The following ZNRF2 variants were observed in gnomAD, a reference collection of about 807,000 sequenced individuals.
ZNRF2 encodes the protein zinc and ring finger 2.
A neutral mutation model predicts 20.4 loss-of-function variants in ZNRF2; 16 were observed. That is an observed-to-expected ratio of 0.79 (90% CI 0.53 to 1.19). The LOEUF is 1.19. ZNRF2 is among the 50% of genes most tolerant of loss of function. The pLI is 0.00. For missense variants in ZNRF2, 363 were observed against 332.4 expected (o/e 1.09, Z -0.72); for synonymous variants, 178 against 144.9 (o/e 1.23, Z -1.64).
intron 1 of ZNRF2, among the ~76,000 whole-genome samples, chr7:30,294,660 G>A (rs1198747448): frequency 1.3e-5 from 2 of 151,996 alleles, no homozygotes; most frequent in African/African-American, 4.8e-5. Flanking sequence ...GCAGGTGCCC[G>A]TAATCCCAGC....
At chr7:30,290,567 T>TA (rs1255509013) in intron 1 of ZNRF2, among the ~76,000 whole-genome samples, 1 of 152,258 alleles carries the variant, frequency 6.6e-6, no homozygotes, top group Non-Finnish European at 1.5e-5. Flanking sequence ...GAACTGGTGC[T>TA]ATGTTCTTAC....
chr7:30,319,746 A>T (rs1799437856), intron 1 of ZNRF2, among the ~76,000 whole-genome samples: 1 of 152,182 alleles, frequency 6.6e-6, no homozygotes, highest in Non-Finnish European at 1.5e-5. Context: ...GGTAGAAGAG[A>T]AGGATTAATG....
At chr7:30,290,885 A>G (rs1479546514) in intron 1 of ZNRF2, among the ~76,000 whole-genome samples, 6 of 152,388 alleles carry the variant, frequency 3.9e-5, no homozygotes, top group African/African-American at 1.2e-4. Context: ...GGGGCTGGAC[A>G]TTATAGATAC....
intron 1 of ZNRF2, among the ~76,000 whole-genome samples, chr7:30,287,012 A>T (rs1297622003): frequency 2.0e-5 from 3 of 152,184 alleles, no homozygotes; most frequent in Non-Finnish European, 4.4e-5. Flanking sequence ...GTCATGTTTC[A>T]TTTTTCCCAT....
At position 30,285,573 on chromosome 7, in the gene ZNRF2, G is replaced by C. The variant is rs1346273824; in HGVS notation, c.216G>C (p.Pro72=). Residue 72 remains proline, a synonymous_variant, in exon 1 of 5, where the codon CCG becomes CCC. Coordinates refer to ENST00000323037, the MANE Select transcript of ZNRF2 (RefSeq NM_147128.4). ...GCGCCGCGGCGGCCGCGGCGGCCCC[G>C]GCAGCCCCGGCGGCCCCGCGCAGCC... is the stretch of plus-strand genomic sequence containing the variant. ...SGGAAAAAAA[P]AAPAAPRSRS... 4 of 991,436 alleles carry C rather than the reference G, an allele frequency of 4.0e-6. No individual in the cohort carries two copies. The highest frequency in any genetic ancestry group is 1.8e-5 in the African/African-American group (1 of 55,920). 61.4% of individuals were successfully genotyped at this position (991,436 alleles called of 1,614,324 possible).
At chr7:30,358,437 C>A (rs1254005553) in intron 3 of ZNRF2, among the ~76,000 whole-genome samples, 1 of 152,110 alleles carries the variant, frequency 6.6e-6, no homozygotes, top group Non-Finnish European at 1.5e-5. Context: ...TGGACATCTA[C>A]CATATTGTGG....
chr7:30,285,668 C>G lies in ZNRF2; in HGVS notation c.311C>G (p.Pro104Arg), dbSNP rs1798769947. 1.4e-5 allele frequency: 20 copies of G among 1,435,140 alleles called. No homozygotes were observed. Among genetic ancestry groups the G allele is most frequent in the Non-Finnish European group, 1.7e-5 (19 of 1,100,412 alleles). The allele number at this position is 1,435,140 out of a possible 1,614,324, so 88.9% of individuals were successfully genotyped here. ...GCGGCGCAGTCCCCCTTCAGCATCC[C>G]GAACAGCAGCAGCGGCCCGTACGGC... The part of the protein sequence containing the change: ...ARAAQSPFSI[P>R]NSSSGPYGSQ... Residue 104 changes from proline to arginine, a missense_variant, in exon 1 of 5, where the codon CCG becomes CGG. Around this residue, in one of 2 missense-constraint regions of ZNRF2, gnomAD observed 302 missense variants for 231.5 expected, o/e 1.30. Coordinates refer to ENST00000323037, the MANE Select transcript of ZNRF2 (RefSeq NM_147128.4).
At chr7:30,286,012 A>G (rs938044901) in intron 1 of ZNRF2, among the ~76,000 whole-genome samples, 186 bp downstream of exon 1, 4 of 152,196 alleles carry the variant, frequency 2.6e-5, no homozygotes, top group Admixed American at 1.3e-4. Flanking sequence ...CGGTGCCGCT[A>G]CCGCATAGAC....
chr7:30,309,499 C>G lies in ZNRF2; in HGVS notation c.470-14143C>G, dbSNP rs1799257993. 2.0e-5 allele frequency among the ~76,000 whole-genome samples: 3 copies of G among 152,272 alleles called. 1 individual carries two copies. Among genetic ancestry groups the G allele is most frequent in the South Asian group, 4.1e-4 (2 of 4,828 alleles). The stretch of plus-strand genomic sequence containing the variant: ...GCAACTCTTTGAAAACCCAGACATA[C>G]AAACTTTCACATCTGTCAACCTTTT... On this transcript the variant is annotated intron_variant, in intron 1 of 4. Transcript: ENST00000323037.
At chr7:30,303,818 C>T (rs1227159807) in intron 1 of ZNRF2, among the ~76,000 whole-genome samples, 1 of 152,208 alleles carries the variant, frequency 6.6e-6, no homozygotes, top group African/African-American at 2.4e-5. Context: ...TACCAGCAAT[C>T]TGTGTTCTAA....
intron 2 of ZNRF2, 57 bp from the exon 3 acceptor site, chr7:30,355,671 C>G (rs1800025523): frequency 1.4e-6 from 2 of 1,445,326 alleles, no homozygotes; most frequent in Admixed American, 1.8e-5. Context: ...TCACGTAATT[C>G]TTTTTTCAAT....
Position 30,355,531 on chromosome 7 carries a change from A to G in ZNRF2, c.566-197A>G, listed in dbSNP as rs75555531. Among the ~76,000 whole-genome samples, 1,015 of 152,304 alleles carry G rather than the reference A, an allele frequency of 6.7e-3. 14 individuals are homozygous for G. Among genetic ancestry groups the G allele is most frequent in the African/African-American group, 0.022 (929 of 41,566 alleles). On this transcript the variant is annotated intron_variant, in intron 2 of 4. Transcript: ENST00000323037. ...AAAATAGAAATGAAAACGTGAGACA[A>G]TGGAAGTAAAGGTAAACATTATTCA...
chr7:30,320,432 A>T (rs573157086), intron 1 of ZNRF2, among the ~76,000 whole-genome samples: 1 of 152,314 alleles, frequency 6.6e-6, no homozygotes, highest in South Asian at 2.1e-4. Context: ...CATGCATATC[A>T]TATATATGTA....
intron 2 of ZNRF2, among the ~76,000 whole-genome samples, chr7:30,353,900 AAT>A (rs909905153): frequency 6.6e-6 from 1 of 152,150 alleles, no homozygotes; most frequent in African/African-American, 2.4e-5. Context: ...GTGATGAAAA[AAT>A]ACGTAAGTGG....
At chr7:30,326,604 G>A (rs1799556437) in intron 2 of ZNRF2, among the ~76,000 whole-genome samples, 2 of 152,196 alleles carry the variant, frequency 1.3e-5, no homozygotes, top group South Asian at 4.1e-4. Flanking sequence ...ACATATGCAT[G>A]CATGTGTCTT....
At chr7:30,315,839 T>C (rs1562610315) in intron 1 of ZNRF2, among the ~76,000 whole-genome samples, 1 of 151,928 alleles carries the variant, frequency 6.6e-6, no homozygotes. Context: ...AAAACTGCTT[T>C]GGATAGCTTT....
intron 1 of ZNRF2, among the ~76,000 whole-genome samples, chr7:30,300,902 C>T (rs1315828358): frequency 6.6e-6 from 1 of 152,106 alleles, no homozygotes; most frequent in African/African-American, 2.4e-5. Context: ...TATTTAAGCC[C>T]AGGATGTATA....
At chr7:30,310,327 A>G (rs981599585) in intron 1 of ZNRF2, among the ~76,000 whole-genome samples, 3 of 152,200 alleles carry the variant, frequency 2.0e-5, no homozygotes, top group African/African-American at 7.2e-5. Context: ...ACTTTTTCAG[A>G]ATGGTTTTCT....
chr7:30,290,900 G>A (rs1232218637), intron 1 of ZNRF2, among the ~76,000 whole-genome samples: 1 of 152,122 alleles, frequency 6.6e-6, no homozygotes, highest in Non-Finnish European at 1.5e-5. Flanking sequence ...AGATACTGAG[G>A]GTACAAATAT....
Sources: allele counts gnomAD v4.1 joint callset (sites outside exome capture counted in the v4.1 genomes callset), GRCh38; gene constraint gnomAD v4.1.1; regional missense constraint gnomAD v4.1.1; transcripts MANE v1.5; gene names NCBI Gene and HGNC (gene_info 2026-07-23, HGNC 2026-07-21).